TBX19: variants seen among roughly 807,000 people sequenced by gnomAD.
TBX19 encodes T-box transcription factor TBX19.
A neutral mutation model predicts 40.9 loss-of-function variants in TBX19; 33 were observed. The observed-to-expected ratio is 0.81, with a 90% CI of 0.61 to 1.08. TBX19 has a LOEUF of 1.08. Ranked by LOEUF, TBX19 falls within the 50% of genes least tolerant of loss-of-function variation. The pLI, the probability that TBX19 is intolerant of heterozygous loss-of-function variation, is 0.00. For synonymous variants in TBX19, 220 were observed against 225.0 expected (o/e 0.98, Z 0.20); for missense variants, 494 against 574.0 (o/e 0.86, Z 1.42).
At position 168,312,951 on chromosome 1, in the gene TBX19, G is replaced by T; in HGVS notation, c.1296G>T (p.Trp432Cys). 1 of 1,614,228 alleles carries T rather than the reference G, an allele frequency of 6.2e-7. No individual in the cohort carries two copies. Among genetic ancestry groups the T allele is most frequent in the Non-Finnish European group, 8.5e-7 (1 of 1,180,054 alleles). Residue 432 changes from tryptophan (W) to cysteine (C), a missense_variant, in exon 8 of 8, where the codon TGG becomes TGT. Coordinates refer to ENST00000367821, the MANE Select transcript of TBX19 (RefSeq NM_005149.3). ...TAVASHPFAG[W>C]GGPGAGGHHS... ...TGGCCTCGCATCCCTTCGCGGGCTG[G>T]GGTGGCCCAGGAGCGGGTGGGCACC...
intron 3 of TBX19, among the ~76,000 whole-genome samples, chr1:168,294,968 T>C (rs754905403): frequency 2.6e-5 from 4 of 152,148 alleles, no homozygotes; most frequent in Non-Finnish European, 5.9e-5. Flanking sequence ...TATCAATCTT[T>C]GTCATCTTTG....
intron 1 of TBX19, among the ~76,000 whole-genome samples, chr1:168,281,930 A>C (rs907666120): frequency 2.6e-5 from 4 of 152,212 alleles, no homozygotes; most frequent in Non-Finnish European, 5.9e-5. Flanking sequence ...TTATCAGTGC[A>C]ACAAATTTAG....
At chr1:168,298,529 C>T (rs935461084) in intron 4 of TBX19, among the ~76,000 whole-genome samples, 4 of 152,098 alleles carry the variant, frequency 2.6e-5, no homozygotes, top group African/African-American at 9.7e-5. Context: ...GAAAAGAAGT[C>T]GGAGACTTCT....
At chr1:168,300,254 A>G (rs1649243650) in intron 4 of TBX19, among the ~76,000 whole-genome samples, 168 bp from the exon 5 acceptor site, 1 of 152,158 alleles carries the variant, frequency 6.6e-6, no homozygotes, top group Admixed American at 6.5e-5. Flanking sequence ...AAGTAGAGAC[A>G]GCACCCCGAA....
intron 5 of TBX19, among the ~76,000 whole-genome samples, chr1:168,301,336 C>T (rs1649270067): frequency 6.6e-6 from 1 of 151,944 alleles, no homozygotes; most frequent in Non-Finnish European, 1.5e-5. Context: ...AGTCTTGGCT[C>T]ACTGCAACCT....
At chr1:168,290,291 C>G (rs1435583421) in intron 1 of TBX19, among the ~76,000 whole-genome samples, 1 of 152,218 alleles carries the variant, frequency 6.6e-6, no homozygotes, top group Non-Finnish European at 1.5e-5. Flanking sequence ...TGTTATTATT[C>G]TAGCATGTAG....
chr1:168,298,579 C>G (rs900863383), intron 4 of TBX19, among the ~76,000 whole-genome samples: 1 of 152,108 alleles, frequency 6.6e-6, no homozygotes, highest in Non-Finnish European at 1.5e-5. Context: ...GGGGCAGCGA[C>G]CTGCCATCTC....
chr1:168,292,649 G>A (rs1025716040), intron 2 of TBX19, among the ~76,000 whole-genome samples: 2 of 152,148 alleles, frequency 1.3e-5, no homozygotes, highest in African/African-American at 4.8e-5. Flanking sequence ...CGGATCACGA[G>A]GTCAGGAGAT....
At chr1:168,300,662 A>T (rs113761308) in intron 5 of TBX19, among the ~76,000 whole-genome samples, 179 bp downstream of exon 5, 5 of 152,196 alleles carry the variant, frequency 3.3e-5, no homozygotes, top group African/African-American at 7.2e-5. Flanking sequence ...AGAGAGAGCC[A>T]ATGGTCCTAG....
rs1010148173 is a variant in TBX19 at position 168,300,588 on chromosome 1, A to T, written c.727+105A>T. ...TGTCAGGACTGCTTAAGGACTTCCA[A>T]ATCAAAACCCAACACACAGTTTATT... is the stretch of plus-strand genomic sequence containing the variant. On this transcript the variant is annotated intron_variant, in intron 5 of 7. Coordinates refer to ENST00000367821, the MANE Select transcript of TBX19 (RefSeq NM_005149.3). The T allele has an allele frequency of 2.9e-6, 3 of 1,050,526 alleles. No individual in the cohort carries two copies. In the African/African-American group the frequency reaches 4.7e-5, roughly 17 times the overall value. The allele number at this position is 1,050,526 out of a possible 1,614,324, so 65.1% of individuals were successfully genotyped here. A position where few individuals can be genotyped will look rare whatever the true frequency, so the allele number is the denominator to read the frequency against.
intron 6 of TBX19, among the ~76,000 whole-genome samples, chr1:168,305,454 G>A (rs76297074): frequency 3.9e-5 from 6 of 152,100 alleles, no homozygotes; most frequent in Non-Finnish European, 7.4e-5. Flanking sequence ...TCTAATGAGC[G>A]TGAAAGGCCA....
chr1:168,301,774 G>A (rs1649280638), intron 5 of TBX19, among the ~76,000 whole-genome samples: 1 of 152,204 alleles, frequency 6.6e-6, no homozygotes, highest in South Asian at 2.1e-4. Context: ...ACTGTAACAT[G>A]AGCTGCTGAT....
intron 4 of TBX19, among the ~76,000 whole-genome samples, chr1:168,298,150 G>T (rs995826287): frequency 2.0e-5 from 3 of 152,082 alleles, no homozygotes; most frequent in East Asian, 1.9e-4. Flanking sequence ...GAGCCGAGAT[G>T]GCGCCACTGC....
At position 168,291,468 on chromosome 1, in the gene TBX19, C is replaced by T. The variant is rs778861721; in HGVS notation, c.468+44C>T. The stretch of plus-strand genomic sequence containing the variant: ...GGCCTGGCCACCCGCTCCGGCCTCC[C>T]CACAACACCAATCAAGAAATATCAA... On this transcript the variant is annotated intron_variant, in intron 2 of 7. Transcript: ENST00000367821. 46 of 1,613,466 alleles carry T rather than the reference C, an allele frequency of 2.9e-5. No individual in the cohort carries two copies. In the East Asian group the frequency reaches 9.4e-4, roughly 33 times the overall value.
At chr1:168,292,826 T>C (rs1247603975) in intron 2 of TBX19, among the ~76,000 whole-genome samples, 5 of 134,904 alleles carry the variant, frequency 3.7e-5, no homozygotes, top group Non-Finnish European at 7.6e-5. Context: ...ATAGCGCCAC[T>C]GCACTCCAGC....
At chr1:168,310,965 T>A (rs1003290203) in intron 7 of TBX19, among the ~76,000 whole-genome samples, 1 of 150,478 alleles carries the variant, frequency 6.6e-6, no homozygotes, top group Non-Finnish European at 1.5e-5. Flanking sequence ...ATATTTTTGT[T>A]AAATAAAATA....
chr1:168,284,566 G>C (rs972582118), intron 1 of TBX19, among the ~76,000 whole-genome samples: 1 of 151,888 alleles, frequency 6.6e-6, no homozygotes, highest in African/African-American at 2.4e-5. Context: ...CTTGAGCTCA[G>C]AAGTTTTAGA....
chr1:168,286,678 G>A (rs1012687502), intron 1 of TBX19, among the ~76,000 whole-genome samples: 1 of 152,130 alleles, frequency 6.6e-6, no homozygotes. Context: ...GCATAATGTT[G>A]CTATGTACCT....
chr1:168,303,083 T>A (rs1033569091), intron 5 of TBX19, among the ~76,000 whole-genome samples: 1 of 152,136 alleles, frequency 6.6e-6, no homozygotes, highest in African/African-American at 2.4e-5. Flanking sequence ...GGGTACATGT[T>A]CACAACGTGC....
Sources: allele counts gnomAD v4.1 joint callset (sites outside exome capture counted in the v4.1 genomes callset), GRCh38; gene constraint gnomAD v4.1.1; transcripts MANE v1.5; gene names NCBI Gene and HGNC (gene_info 2026-07-23, HGNC 2026-07-21).